The following RAD54B variants were observed in gnomAD, a reference collection of about 807,000 sequenced individuals.
RAD54B encodes DNA repair and recombination protein RAD54B.
In RAD54B, 78 loss-of-function variants were observed where a neutral mutation model predicts 95.8. The ratio of observed to expected loss-of-function variants is 0.81; its 90% CI spans 0.68 to 0.98. RAD54B has a LOEUF of 0.98. Ranked by LOEUF, RAD54B falls within the 50% of genes least tolerant of loss-of-function variation. The pLI, the probability that RAD54B is intolerant of heterozygous loss-of-function variation, is 0.00. For synonymous variants in RAD54B, 328 were observed against 354.9 expected (o/e 0.92, Z 0.85); for missense variants, 957 against 1,056.6 (o/e 0.91, Z 1.31).
chr8:94,398,625 C>T lies in RAD54B; in HGVS notation c.1378+789G>A, dbSNP rs966532596. Reference sequence around the variant, plus strand: ...GCTGAAGATGGTAGGGAAAATGAAGCCCCAAGTAGAAAATAGGGGAATTGT... The same window carrying T: ...GCTGAAGATGGTAGGGAAAATGAAGTCCCAAGTAGAAAATAGGGGAATTGT... On this transcript the variant is annotated intron_variant, in intron 8 of 14. Coordinates refer to ENST00000336148, the MANE Select transcript of RAD54B (RefSeq NM_012415.3). Among the ~76,000 whole-genome samples, 3 of 152,000 alleles carry T rather than the reference C, an allele frequency of 2.0e-5. 1 individual carries two copies. Among genetic ancestry groups the T allele is most frequent in the Admixed American group, 2.0e-4 (3 of 15,248 alleles).
intron 2 of RAD54B, among the ~76,000 whole-genome samples, chr8:94,459,788 A>G (rs1812860677): frequency 1.3e-5 from 2 of 152,024 alleles, no homozygotes; most frequent in African/African-American, 4.8e-5. Context: ...TGAACTCAGG[A>G]GGCAGAGGTT....
At chr8:94,372,982 A>G (rs1810477900) in intron 14 of RAD54B, 1 of 152,352 alleles carries the variant, frequency 6.6e-6, no homozygotes, top group Non-Finnish European at 1.5e-5. Context: ...AGGTAAGGGT[A>G]TGAAGGAAAG....
In RAD54B at chr8:94,380,399, A is replaced by C. The variant is rs759352947; in HGVS notation, c.1993T>G (p.Leu665Val). ...HELRPTEKVV[L>V]VSNYTQTLNI... ...AAGGTTTGTGTATAGTTGGATACCAACACCACCCTGTCAATCAAAAAGAAA... is the reference window on the plus strand; with the variant it reads ...AAGGTTTGTGTATAGTTGGATACCACCACCACCCTGTCAATCAAAAAGAAA... Residue 665 changes from leucine (L) to valine (V), a missense_variant, in exon 12 of 15, where the codon TTG becomes GTG. Leu to Val is a conservative substitution (Grantham distance 32, BLOSUM62 1). Transcript: ENST00000336148. 6.3e-7 allele frequency: 1 copy of C among 1,589,494 alleles called. No homozygotes were observed. The highest frequency in any genetic ancestry group is 1.8e-5 in the Admixed American group (1 of 56,838).
At chr8:94,470,770 G>GC (rs1813151336) in intron 1 of RAD54B, among the ~76,000 whole-genome samples, 3 of 143,626 alleles carry the variant, frequency 2.1e-5, no homozygotes, top group African/African-American at 7.7e-5. Flanking sequence ...AGAAAACAAA[G>GC]AAAAAAAAAA....
At chr8:94,399,850 G>A (rs1811226703) in intron 7 of RAD54B, among the ~76,000 whole-genome samples, 2 of 152,266 alleles carry the variant, frequency 1.3e-5, no homozygotes, top group South Asian at 2.1e-4. Flanking sequence ...GTGCTAGCAT[G>A]GTTGGGTTCT....
At chr8:94,445,456 G>A (rs1278085991) in intron 3 of RAD54B, among the ~76,000 whole-genome samples, 1 of 152,064 alleles carries the variant, frequency 6.6e-6, no homozygotes, top group Non-Finnish European at 1.5e-5. Flanking sequence ...CCCTTTAAAA[G>A]GCCCAGTCAT....
At chr8:94,461,561 A>C (rs1451228706) in intron 2 of RAD54B, among the ~76,000 whole-genome samples, 1 of 152,132 alleles carries the variant, frequency 6.6e-6, no homozygotes, top group African/African-American at 2.4e-5. Flanking sequence ...ATATCTGATC[A>C]GATATTAAAG....
chr8:94,428,134 G>T, intron 3 of RAD54B: 1 of 883,672 alleles, frequency 1.1e-6, no homozygotes, highest in Non-Finnish European at 1.4e-6. Context: ...AGAAAGATAG[G>T]AAAGTGGCTA....
chr8:94,404,992 T>G (rs1488349969), intron 5 of RAD54B, among the ~76,000 whole-genome samples: 1 of 152,056 alleles, frequency 6.6e-6, no homozygotes, highest in Non-Finnish European at 1.5e-5. Flanking sequence ...TTTTGTATTT[T>G]TAACAGAGGC....
intron 3 of RAD54B, among the ~76,000 whole-genome samples, chr8:94,444,993 A>G (rs1461801842): frequency 6.6e-6 from 1 of 152,212 alleles, no homozygotes; most frequent in African/African-American, 2.4e-5. Context: ...ACCCACTCAC[A>G]TTTACAATGA....
chr8:94,408,767 G>A (rs1427874458), intron 4 of RAD54B, among the ~76,000 whole-genome samples: 2 of 152,060 alleles, frequency 1.3e-5, no homozygotes, highest in Admixed American at 6.6e-5. Context: ...CCAAATTAAT[G>A]AAGATTATAG....
At chr8:94,463,552 C>A (rs1812953456) in intron 2 of RAD54B, among the ~76,000 whole-genome samples, 1 of 151,816 alleles carries the variant, frequency 6.6e-6, no homozygotes, top group South Asian at 2.1e-4. Context: ...ATCATATGAT[C>A]CAGCAATTCT....
intron 1 of RAD54B, among the ~76,000 whole-genome samples, chr8:94,468,622 G>A (rs1247062168): frequency 2.0e-5 from 3 of 151,802 alleles, no homozygotes; most frequent in South Asian, 2.1e-4. Flanking sequence ...TCAGGAGATC[G>A]AGACCATCCT....
chr8:94,418,613 T>A (rs1351203325), intron 3 of RAD54B, among the ~76,000 whole-genome samples: 2 of 152,188 alleles, frequency 1.3e-5, no homozygotes, highest in African/African-American at 4.8e-5. Flanking sequence ...TATTGCTTTA[T>A]ACTCACACCC....
chr8:94,440,981 A>G (rs1812383318), intron 3 of RAD54B, among the ~76,000 whole-genome samples: 1 of 152,236 alleles, frequency 6.6e-6, no homozygotes, highest in Non-Finnish European at 1.5e-5. Context: ...GCCTAAACCT[A>G]GTAGTTAAAA....
intron 2 of RAD54B, 91 bp downstream of exon 2, chr8:94,467,314 G>T: frequency 8.9e-7 from 1 of 1,119,636 alleles, no homozygotes. Context: ...ATTCCTACAG[G>T]CAGAAAATAC....
intron 3 of RAD54B, among the ~76,000 whole-genome samples, chr8:94,420,846 G>A (rs1164541013): frequency 4.0e-5 from 6 of 151,838 alleles, no homozygotes; most frequent in African/African-American, 7.3e-5. Flanking sequence ...TTAGCCAGAC[G>A]TGGTGGTGGG....
intron 11 of RAD54B, among the ~76,000 whole-genome samples, chr8:94,382,714 G>T (rs904889529): frequency 1.3e-5 from 2 of 152,088 alleles, no homozygotes; most frequent in African/African-American, 4.8e-5. Context: ...TAAATCACGG[G>T]GGCGGTTTCC....
chr8:94,415,611 C>G (rs1392907340), intron 3 of RAD54B, among the ~76,000 whole-genome samples: 6 of 138,404 alleles, frequency 4.3e-5, no homozygotes, highest in African/African-American at 1.6e-4. Context: ...TTTTCGCAAC[C>G]TACTCATCTG....
Sources: allele counts gnomAD v4.1 joint callset (sites outside exome capture counted in the v4.1 genomes callset), GRCh38; gene constraint gnomAD v4.1.1; transcripts MANE v1.5; gene names NCBI Gene and HGNC (gene_info 2026-07-23, HGNC 2026-07-21).